The following CARD8 variants were observed in gnomAD, a reference collection of about 807,000 sequenced individuals.
CARD8 encodes caspase recruitment domain-containing protein 8.
CARD8 carries 38 observed loss-of-function variants against 53.2 expected under a neutral mutation model. The ratio of observed to expected loss-of-function variants is 0.71; its 90% CI spans 0.55 to 0.94. CARD8 has a LOEUF of 0.94. CARD8 is among the 40% of genes least tolerant of loss of function. The pLI is 0.00. For missense variants in CARD8, 561 were observed against 655.5 expected (o/e 0.86, Z 1.57); for synonymous variants, 245 against 244.9 (o/e 1.00, Z 0.00).
intron 6 of CARD8, chr19:48,232,762 A>G (rs568660972): frequency 1.6e-6 from 1 of 616,660 alleles, no homozygotes; most frequent in South Asian, 1.5e-5. Flanking sequence ...TCATCACAGA[A>G]AGTTCTCTTA....
rs1387904109 is a variant in CARD8, at chr19:48,231,666, C to G, written c.536G>C (p.Arg179Thr). The change falls in exon 8 of 14, where the codon AGA becomes ACA. Residue 179 changes from arginine to threonine, a missense_variant. Transcript: ENST00000651546. ...DVELIDKSTN[R>T]YSVWFPTAGW... ...CAGCATCTTCCATTCTTACCTGTAT[C>G]TGTTTGTGCTCTTATCAATCAACTC... is the stretch of plus-strand genomic sequence containing the variant. The G allele has an allele frequency of 6.3e-7, 1 of 1,597,142 alleles. No homozygotes were observed. The highest frequency in any genetic ancestry group is 8.5e-7 in the Non-Finnish European group (1 of 1,171,874).
chr19:48,207,744 T>TTTTTG (rs1568596094), downstream of CARD8, among the ~76,000 whole-genome samples: 7 of 90,334 alleles, frequency 7.7e-5, no homozygotes, highest in African/African-American at 2.5e-4. Context: ...GTTTTTTTTT[T>TTTTTG]TTTTTTTTTG....
chr19:48,239,524 G>A (rs540219633), intron 4 of CARD8, among the ~76,000 whole-genome samples: 2 of 148,550 alleles, frequency 1.3e-5, no homozygotes, highest in South Asian at 2.1e-4. Context: ...CGCCCAGGCT[G>A]GAGTGCAATG....
intron 7 of CARD8, 138 bp from the exon 8 acceptor site, chr19:48,231,948 G>T (rs1281440556): frequency 5.2e-6 from 4 of 766,910 alleles, no homozygotes; most frequent in Non-Finnish European, 9.1e-6. Context: ...AGAATATGCA[G>T]TTTCGCTTCT....
chr19:48,205,597 G>A (rs538389462), downstream of CARD8, among the ~76,000 whole-genome samples: 3 of 152,286 alleles, frequency 2.0e-5, no homozygotes, highest in African/African-American at 7.2e-5. Flanking sequence ...TTACATGAGT[G>A]CTGTTGAGGC....
intron 10 of CARD8, among the ~76,000 whole-genome samples, chr19:48,225,169 G>T (rs761591906): frequency 3.9e-5 from 6 of 152,012 alleles, no homozygotes; most frequent in Non-Finnish European, 7.4e-5. Context: ...CACAACAGAG[G>T]GAAAGAAGAG....
At chr19:48,219,349 C>A (rs1423224692) in intron 11 of CARD8, among the ~76,000 whole-genome samples, 1 of 152,056 alleles carries the variant, frequency 6.6e-6, no homozygotes, top group Non-Finnish European at 1.5e-5. Flanking sequence ...TATAGAGAAG[C>A]AAGAAAGCTT....
chr19:48,228,711 G>A (rs977363253), intron 10 of CARD8, among the ~76,000 whole-genome samples: 6 of 152,158 alleles, frequency 3.9e-5, no homozygotes, highest in South Asian at 2.1e-4. Context: ...AGATTTTGGC[G>A]GGTGGAAGGG....
intron 10 of CARD8, among the ~76,000 whole-genome samples, chr19:48,226,096 A>T (rs1231785456): frequency 1.3e-5 from 2 of 151,930 alleles, no homozygotes; most frequent in Non-Finnish European, 2.9e-5. Context: ...GGCCATAGTA[A>T]ATTATTTGAT....
chr19:48,215,191 G>A, intron 13 of CARD8, 149 bp downstream of exon 13: 1 of 591,926 alleles, frequency 1.7e-6, no homozygotes. Context: ...GTCTTCTAAG[G>A]AGGCAAGAAT....
intron 4 of CARD8, among the ~76,000 whole-genome samples, chr19:48,240,496 C>T (rs1289774625): frequency 6.6e-6 from 1 of 151,978 alleles, no homozygotes; most frequent in Non-Finnish European, 1.5e-5. Context: ...GGGCCAGGCG[C>T]AGTGGCTCAC....
chr19:48,234,613 G>A (rs2043535994), intron 5 of CARD8, 70 bp from the exon 6 acceptor site: 7 of 1,423,150 alleles, frequency 4.9e-6, no homozygotes, highest in South Asian at 1.3e-5. Context: ...AGGCTGTGCA[G>A]GAAGATTTTA....
At chr19:48,238,347 T>C (rs1199951381) in intron 5 of CARD8, 36 bp downstream of exon 5, 1 of 1,528,818 alleles carries the variant, frequency 6.5e-7, no homozygotes, top group Admixed American at 2.0e-5. Context: ...AAATTCCAAA[T>C]CTTTAATTTT....
chr19:48,207,734 G>GTT (rs758903014), downstream of CARD8, among the ~76,000 whole-genome samples: 59 of 116,534 alleles, frequency 5.1e-4, 2 homozygotes, highest in African/African-American at 2.1e-3. Context: ...TTGTTTTTCT[G>GTT]TTTTTTTTTT....
At position 48,211,647 on chromosome 19, in the gene CARD8, C is replaced by A; in HGVS notation, c.*63G>T. ...AACACTGAAATCAATGATCACATTT[C>A]TGTTTATCCATTTCCAATGAGAACG... On this transcript the variant is annotated 3_prime_UTR_variant, in exon 14 of 14. Coordinates refer to ENST00000651546, the MANE Select transcript of CARD8 (RefSeq NM_001184900.3). 6.8e-7 allele frequency: 1 copy of A among 1,468,528 alleles called. No homozygotes were observed. 91.0% of individuals were successfully genotyped at this position (1,468,528 alleles called of 1,614,324 possible). A position where few individuals can be genotyped will look rare whatever the true frequency, so the allele number is the denominator to read the frequency against.
rs71334279 is a variant in CARD8 at position 48,252,808 on chromosome 19, TAC to T, written c.-251-2963_-251-2962del. Among the ~76,000 whole-genome samples the T allele has an allele frequency of 5.2e-3, 771 of 148,128 alleles. 9 individuals carry two copies. The highest frequency in any genetic ancestry group is 0.014 in the African/African-American group (558 of 40,198). Reference sequence around the variant, plus strand: ...CCACCGCACTGGCCTTATCAGTATATACACACACACACACACACACACACACA... The same window carrying T: ...CCACCGCACTGGCCTTATCAGTATATACACACACACACACACACACACACA... On this transcript the variant is annotated intron_variant, in intron 1 of 13. Coordinates refer to ENST00000651546, the MANE Select transcript of CARD8 (RefSeq NM_001184900.3).
chr19:48,237,053 G>A (rs1487630027), intron 5 of CARD8, among the ~76,000 whole-genome samples: 4 of 152,116 alleles, frequency 2.6e-5, no homozygotes, highest in Non-Finnish European at 5.9e-5. Context: ...TGGGATTACA[G>A]GAGTGAGACA....
At chr19:48,231,334 T>C (rs899755761) in intron 8 of CARD8, among the ~76,000 whole-genome samples, 11 of 152,204 alleles carry the variant, frequency 7.2e-5, no homozygotes, top group African/African-American at 2.4e-4. Flanking sequence ...AGACAAAGTC[T>C]CGCTCTGTCT....
At chr19:48,212,580 A>G (rs572017486) in intron 13 of CARD8, among the ~76,000 whole-genome samples, 2 of 152,348 alleles carry the variant, frequency 1.3e-5, no homozygotes, top group African/African-American at 4.8e-5. Context: ...GTGGTTTAGA[A>G]TGCATGGAGG....
Sources: gnomAD v4.1 joint callset for allele counts (sites outside exome capture counted in the v4.1 genomes callset) on GRCh38, gnomAD v4.1.1 for gene constraint, MANE v1.5 for transcripts, NCBI Gene and HGNC (gene_info 2026-07-23, HGNC 2026-07-21) for gene names.